GNAQ: variants seen among roughly 807,000 people sequenced by gnomAD.
The protein encoded by GNAQ is G protein subunit alpha q, also known as guanine nucleotide-binding protein G(q) subunit alpha.
In GNAQ, 8 loss-of-function variants were observed where a neutral mutation model predicts 43.9. The observed-to-expected ratio is 0.18, with a 90% CI of 0.11 to 0.33. The LOEUF (loss-of-function observed/expected upper bound fraction) is 0.33. Among genes scored for constraint, GNAQ ranks in the 10% least tolerant of loss-of-function variants. The pLI, the probability that GNAQ is intolerant of heterozygous loss-of-function variation, is 1.00. For synonymous variants in GNAQ, 155 were observed against 170.7 expected, an observed-to-expected ratio of 0.91 and a Z score of 0.71; for missense variants, 158 against 450.8, an observed-to-expected ratio of 0.35 and a Z score of 5.88.
rs1220921352 is a variant in GNAQ at position 77,718,357 on chromosome 9, CAAAAA to C, written c.*2961_*2965del. On this transcript the variant is annotated 3_prime_UTR_variant, in exon 7 of 7. Coordinates refer to ENST00000286548, the MANE Select transcript of GNAQ (RefSeq NM_002072.5). ...CCCCTTCAATAAAACCCCGAAGAAA[CAAAAA>C]AGAAAATCCTTTAGCTTCGATTGAC... The C allele has an allele frequency of 4.3e-6, 1 of 231,962 alleles. No individual in the cohort carries two copies. Among genetic ancestry groups the C allele is most frequent in the African/African-American group, 2.2e-5 (1 of 45,226 alleles). 14.4% of individuals were successfully genotyped at this position (231,962 alleles called of 1,614,324 possible). A position where few individuals can be genotyped will look rare whatever the true frequency, so the allele number is the denominator to read the frequency against.
chr9:77,872,475 T>C (rs1828052810), intron 2 of GNAQ, among the ~76,000 whole-genome samples: 1 of 152,214 alleles, frequency 6.6e-6, no homozygotes, highest in South Asian at 2.1e-4. Flanking sequence ...TGCTAAATTA[T>C]AATTAATATA....
At chr9:77,760,967 C>G (rs960649877) in intron 5 of GNAQ, among the ~76,000 whole-genome samples, 19 of 151,452 alleles carry the variant, frequency 1.3e-4, no homozygotes, top group Admixed American at 1.2e-3. Context: ...GACCCTCCGC[C>G]TGGCAACCGC....
chr9:78,031,672 G>A lies in GNAQ; in HGVS notation c.-437C>T, dbSNP rs1232963352. On this transcript the variant is annotated 5_prime_UTR_variant, in exon 1 of 7. Coordinates refer to ENST00000286548, the MANE Select transcript of GNAQ (RefSeq NM_002072.5). ...GCTCATTCACCGGGGTGTCCCCGCAGCGAGCGGCCGCCGACGGCTCCCCGC... is the reference window on the plus strand; with the variant it reads ...GCTCATTCACCGGGGTGTCCCCGCAACGAGCGGCCGCCGACGGCTCCCCGC... Among the ~76,000 whole-genome samples the A allele has an allele frequency of 1.4e-5, 2 of 147,226 alleles. No homozygotes were observed. The highest frequency in any genetic ancestry group is 4.0e-4 in the East Asian group (2 of 5,008).
chr9:77,968,572 G>A (rs146583310), intron 1 of GNAQ, among the ~76,000 whole-genome samples: 110 of 152,322 alleles, frequency 7.2e-4, no homozygotes, highest in Non-Finnish European at 1.4e-3. Flanking sequence ...AGACAAGGCA[G>A]TGACATTCTA....
chr9:77,851,142 TCAA>T (rs1666151647), intron 2 of GNAQ, among the ~76,000 whole-genome samples: 1 of 152,222 alleles, frequency 6.6e-6, no homozygotes, highest in African/African-American at 2.4e-5. Context: ...CTTGTTTTAC[TCAA>T]CAAGGTCATT....
chr9:78,017,689 T>C (rs1440726668), intron 1 of GNAQ, among the ~76,000 whole-genome samples: 2 of 152,136 alleles, frequency 1.3e-5, no homozygotes, highest in Non-Finnish European at 2.9e-5. Flanking sequence ...TTGATAGTAA[T>C]TAAAAACTTC....
intron 1 of GNAQ, among the ~76,000 whole-genome samples, chr9:78,026,104 T>C (rs1823976582): frequency 1.3e-5 from 2 of 152,232 alleles, no homozygotes; most frequent in South Asian, 4.1e-4. Flanking sequence ...AATTTATTTA[T>C]ATTAAAATGG....
chr9:77,953,952 A>G (rs1293134869), intron 1 of GNAQ, among the ~76,000 whole-genome samples: 1 of 152,218 alleles, frequency 6.6e-6, no homozygotes, highest in African/African-American at 2.4e-5. Flanking sequence ...TTAATTATCT[A>G]TTCCTATCAA....
intron 5 of GNAQ, among the ~76,000 whole-genome samples, chr9:77,750,719 T>C (rs1173740536): frequency 1.3e-5 from 2 of 152,214 alleles, no homozygotes; most frequent in East Asian, 3.8e-4. Context: ...GAACACTTGC[T>C]ATATTAACCT....
At position 77,837,882 on chromosome 9, in the gene GNAQ, T is replaced by A. The variant is rs1205210245; in HGVS notation, c.322-22112A>T. On this transcript the variant is annotated intron_variant, in intron 2 of 6. Transcript: ENST00000286548. ...TTTTTTTTTTGAGATGGAGTCTTGC[T>A]CTGTTGCCTGGGCTGGAGTGCAGTG... Among the ~76,000 whole-genome samples the A allele has an allele frequency of 6.2e-5, 9 of 144,248 alleles. No homozygotes were observed. In the East Asian group the frequency reaches 1.9e-3, roughly 30 times the overall value. The allele number at this position is 144,248 out of a possible 152,430, so 94.6% of individuals were successfully genotyped here. A position where few individuals can be genotyped will look rare whatever the true frequency, so the allele number is the denominator to read the frequency against.
intron 1 of GNAQ, among the ~76,000 whole-genome samples, chr9:77,981,577 C>A (rs1823368858): frequency 6.6e-6 from 1 of 152,202 alleles, no homozygotes; most frequent in South Asian, 2.1e-4. Flanking sequence ...TGGCTGTGCA[C>A]TCCCAGGCTG....
intron 5 of GNAQ, among the ~76,000 whole-genome samples, chr9:77,745,683 G>T (rs998005937): frequency 6.6e-6 from 1 of 150,790 alleles, no homozygotes; most frequent in African/African-American, 2.4e-5. Flanking sequence ...AATTTCTCAG[G>T]AAGTAGAAAA....
intron 2 of GNAQ, among the ~76,000 whole-genome samples, chr9:77,900,920 A>G (rs932081551): frequency 1.3e-5 from 2 of 152,144 alleles, no homozygotes; most frequent in Admixed American, 6.6e-5. Flanking sequence ...TTTGTATTTT[A>G]TATTGCTTGT....
intron 1 of GNAQ, among the ~76,000 whole-genome samples, chr9:77,966,087 G>C (rs987166634): frequency 6.6e-6 from 1 of 152,108 alleles, no homozygotes; most frequent in African/African-American, 2.4e-5. Flanking sequence ...TGGACATACT[G>C]TATGTTCCCT....
intron 2 of GNAQ, among the ~76,000 whole-genome samples, chr9:77,822,575 T>C (rs1286979381): frequency 6.6e-6 from 1 of 151,426 alleles, no homozygotes; most frequent in Non-Finnish European, 1.5e-5. Flanking sequence ...CCCTGTTCAG[T>C]TGGTAGAATT....
chr9:77,728,789 G>A, intron 5 of GNAQ, 122 bp from the exon 6 acceptor site: 1 of 671,252 alleles, frequency 1.5e-6, no homozygotes, highest in Non-Finnish European at 2.6e-6. Flanking sequence ...TTGTAGCCCT[G>A]TGTTGGATTT....
intron 1 of GNAQ, among the ~76,000 whole-genome samples, chr9:78,010,102 T>C (rs1362143464): frequency 6.6e-6 from 1 of 152,212 alleles, no homozygotes; most frequent in African/African-American, 2.4e-5. Flanking sequence ...TCTGACTTCA[T>C]CAAGGCACAC....
intron 1 of GNAQ, among the ~76,000 whole-genome samples, chr9:77,931,171 A>G (rs1829143928): frequency 6.8e-6 from 1 of 147,432 alleles, no homozygotes; most frequent in Non-Finnish European, 1.5e-5. Flanking sequence ...TGCTTGTAGG[A>G]CAGCGGTCCC....
At chr9:77,737,707 A>G (rs980338295) in intron 5 of GNAQ, among the ~76,000 whole-genome samples, 3 of 152,212 alleles carry the variant, frequency 2.0e-5, no homozygotes, top group Admixed American at 2.0e-4. Flanking sequence ...AAAAGAGCCA[A>G]GGAGACAACT....
Sources: gnomAD v4.1 joint callset for allele counts (sites outside exome capture counted in the v4.1 genomes callset) on GRCh38, gnomAD v4.1.1 for gene constraint, MANE v1.5 for transcripts, NCBI Gene and HGNC (gene_info 2026-07-23, HGNC 2026-07-21) for gene names.